PKP4: variants seen among roughly 807,000 people sequenced by gnomAD.
PKP4 encodes the protein plakophilin-4.
PKP4 carries 90 observed loss-of-function variants against 145.1 expected under a neutral mutation model. The ratio of observed to expected loss-of-function variants is 0.62; its 90% confidence interval spans 0.52 to 0.74. The LOEUF (loss-of-function observed/expected upper bound fraction) is 0.74, where lower values mean the gene tolerates loss of function less well. Among genes scored for constraint, PKP4 ranks in the 30% least tolerant of loss-of-function variants. The pLI, the probability that PKP4 is intolerant of heterozygous loss-of-function variation, is 0.00. For synonymous variants in PKP4, 563 were observed against 577.2 expected, an observed-to-expected ratio of 0.98 and a Z score of 0.35; for missense variants, 1,340 against 1,482.7, an observed-to-expected ratio of 0.90 and a Z score of 1.58.
In PKP4 at chr2:158,493,778, C is replaced by T. The variant is rs368000680; in HGVS notation, c.-6+36560C>T. Among the ~76,000 whole-genome samples the T allele has an allele frequency of 1.3e-4, 20 of 152,336 alleles. 2 individuals carry two copies. Among genetic ancestry groups the T allele is most frequent in the South Asian group, 1.2e-3 (6 of 4,832 alleles). On this transcript the variant is annotated intron_variant, in intron 1 of 21. Coordinates refer to ENST00000389759, the MANE Select transcript of PKP4 (RefSeq NM_003628.6). ...GCTGCTCACTTGGCAACATGCTTTC[C>T]TCCTTGAGGTTTCAGGACTGGTGAG...
intron 3 of PKP4, among the ~76,000 whole-genome samples, chr2:158,584,854 T>G (rs1338337654): frequency 2.0e-5 from 3 of 152,200 alleles, no homozygotes; most frequent in Non-Finnish European, 4.4e-5. Flanking sequence ...CTTGGTTATC[T>G]ATTCTTTGTT....
At chr2:158,586,961 G>T (rs2048851564) in intron 3 of PKP4, among the ~76,000 whole-genome samples, 1 of 152,174 alleles carries the variant, frequency 6.6e-6, no homozygotes, top group African/African-American at 2.4e-5. Context: ...AGCTAAAAAT[G>T]TCACCATGAA....
intron 2 of PKP4, among the ~76,000 whole-genome samples, chr2:158,534,265 G>A (rs377249676): frequency 6.6e-5 from 10 of 152,196 alleles, no homozygotes; most frequent in East Asian, 3.9e-4. Flanking sequence ...ACTATTTTTC[G>A]TAACTTGGAA....
At chr2:158,578,885 A>G (rs1479674264) in intron 3 of PKP4, among the ~76,000 whole-genome samples, 12 of 152,234 alleles carry the variant, frequency 7.9e-5, no homozygotes, top group Admixed American at 7.9e-4. Context: ...TGAAAACCAG[A>G]GCCAGAAGCT....
chr2:158,622,258 A>G (rs78451388), intron 6 of PKP4, among the ~76,000 whole-genome samples: 1,753 of 152,304 alleles, frequency 0.012, 43 homozygotes, highest in African/African-American at 0.04. Flanking sequence ...AAGTTATTGT[A>G]TAGAAACATA....
intron 4 of PKP4, among the ~76,000 whole-genome samples, chr2:158,606,395 C>T (rs755849118): frequency 1.3e-5 from 2 of 151,970 alleles, no homozygotes; most frequent in South Asian, 2.1e-4. Context: ...CTCTCAAACA[C>T]GTTATTATCC....
At chr2:158,632,003 A>G in intron 8 of PKP4, 62 bp downstream of exon 8, 1 of 1,471,808 alleles carries the variant, frequency 6.8e-7, no homozygotes, top group South Asian at 1.2e-5. Context: ...GAAGTGTTTT[A>G]TTGAGATTGG....
At chr2:158,643,149 C>T (rs1045593030) in intron 11 of PKP4, among the ~76,000 whole-genome samples, 3 of 152,148 alleles carry the variant, frequency 2.0e-5, no homozygotes, top group Non-Finnish European at 4.4e-5. Context: ...ATGAATAAAA[C>T]TCAGTGCCTG....
chr2:158,566,068 C>T (rs375897552), intron 2 of PKP4, among the ~76,000 whole-genome samples: 11 of 152,062 alleles, frequency 7.2e-5, no homozygotes, highest in South Asian at 2.1e-4. Flanking sequence ...AGAATATCTG[C>T]GGACAATTGT....
chr2:158,597,549 A>G (rs1406758642), intron 3 of PKP4, among the ~76,000 whole-genome samples: 1 of 151,954 alleles, frequency 6.6e-6, no homozygotes, highest in Non-Finnish European at 1.5e-5. Flanking sequence ...GAGGTGACCA[A>G]CTCTCCTCAA....
At chr2:158,536,457 G>C (rs564412963) in intron 2 of PKP4, among the ~76,000 whole-genome samples, 9 of 152,278 alleles carry the variant, frequency 5.9e-5, no homozygotes, top group African/African-American at 2.2e-4. Flanking sequence ...GTATATCTAA[G>C]CCAGTAAAAT....
At chr2:158,542,472 C>T (rs1478957830) in intron 2 of PKP4, among the ~76,000 whole-genome samples, 1 of 152,056 alleles carries the variant, frequency 6.6e-6, no homozygotes, top group African/African-American at 2.4e-5. Flanking sequence ...TGTTGCATTT[C>T]GCTCATTTGA....
At chr2:158,563,653 A>G (rs1245485333) in intron 2 of PKP4, among the ~76,000 whole-genome samples, 1 of 152,050 alleles carries the variant, frequency 6.6e-6, no homozygotes, top group Non-Finnish European at 1.5e-5. Flanking sequence ...GTACTTTTCC[A>G]AGTATATCAC....
intron 2 of PKP4, among the ~76,000 whole-genome samples, chr2:158,558,178 A>G (rs569956951): frequency 6.6e-6 from 1 of 152,340 alleles, no homozygotes; most frequent in South Asian, 2.1e-4. Flanking sequence ...CATAGGCACA[A>G]TTACAGAGAT....
At chr2:158,483,063 C>T (rs902608783) in intron 1 of PKP4, among the ~76,000 whole-genome samples, 10 of 152,134 alleles carry the variant, frequency 6.6e-5, no homozygotes, top group African/African-American at 2.2e-4. Flanking sequence ...TGGTTCATCT[C>T]TAAGTCATGA....
rs761442681 is a variant in PKP4 at position 158,642,604 on chromosome 2, A to G, written c.1814A>G (p.Glu605Gly). 1 of 1,613,658 alleles carries G rather than the reference A, an allele frequency of 6.2e-7. No homozygotes were observed. The change falls in exon 11 of 22, where the codon GAA becomes GGA. Residue 605 changes from glutamate to glycine, a missense_variant. Glu to Gly is a moderately conservative substitution (Grantham distance 98). Transcript: ENST00000389759. ...CTCGTTTTTGGCAAGTCTACAGATG[A>G]AAATAAAATAGCAATGAAGAATGTT... ...RNLVFGKSTD[E>G]NKIAMKNVGG...
intron 1 of PKP4, among the ~76,000 whole-genome samples, chr2:158,522,373 G>C (rs2042453925): frequency 2.0e-5 from 3 of 152,148 alleles, no homozygotes. Context: ...TCATACTAGA[G>C]TATATGTGGT....
At chr2:158,500,704 C>G (rs1164610429) in intron 1 of PKP4, among the ~76,000 whole-genome samples, 3 of 152,192 alleles carry the variant, frequency 2.0e-5, no homozygotes, top group African/African-American at 7.2e-5. Flanking sequence ...ATGGAGCTAC[C>G]TTTGCAGAGT....
intron 3 of PKP4, among the ~76,000 whole-genome samples, chr2:158,579,731 A>G (rs1056619225): frequency 1.3e-5 from 2 of 152,174 alleles, no homozygotes; most frequent in Admixed American, 1.3e-4. Context: ...AGCAGTTAAA[A>G]TGAAATAACT....
Sources: allele counts gnomAD v4.1 joint callset (sites outside exome capture counted in the v4.1 genomes callset), GRCh38; gene constraint gnomAD v4.1.1; transcripts MANE v1.5; gene names NCBI Gene and HGNC (gene_info 2026-07-23, HGNC 2026-07-21).